Variants in ARHGAP32 observed in about 807,000 individuals in gnomAD.
The protein encoded by ARHGAP32 is Rho GTPase activating protein 32.
Under a neutral mutation model 186.5 loss-of-function variants are expected in ARHGAP32, and 51 were observed. That is an observed-to-expected ratio of 0.27 (90% confidence interval 0.22 to 0.35). The LOEUF is 0.35. Ranked by LOEUF, ARHGAP32 falls within the 10% of genes least tolerant of loss-of-function variation. The probability of loss-of-function intolerance (pLI) is 1.00; values close to 1 mark genes in which losing one functional copy is unlikely to be tolerated. For missense variants in ARHGAP32, 2,186 were observed against 2,623.5 expected, an observed-to-expected ratio of 0.83 and a Z score of 3.64; for synonymous variants, 950 against 964.3, an observed-to-expected ratio of 0.99 and a Z score of 0.27.
At chr11:128,989,868 T>C (rs1002411656) in intron 12 of ARHGAP32, among the ~76,000 whole-genome samples, 3 of 152,184 alleles carry the variant, frequency 2.0e-5, no homozygotes, top group African/African-American at 7.2e-5. Flanking sequence ...ACTTCATCCA[T>C]GTCCCTGCAA....
intron 1 of ARHGAP32, among the ~76,000 whole-genome samples, chr11:129,230,558 T>C (rs550578188): frequency 1.8e-5 from 2 of 111,712 alleles, no homozygotes; most frequent in Non-Finnish European, 3.6e-5. Context: ...TTGTTAAATA[T>C]GGAAAAAGCA....
At chr11:129,086,954 C>T (rs1941427465) in intron 6 of ARHGAP32, among the ~76,000 whole-genome samples, 1 of 151,948 alleles carries the variant, frequency 6.6e-6, no homozygotes, top group South Asian at 2.1e-4. Context: ...GACATCTCAC[C>T]AAAGAAGACA....
rs1945195206 is a variant in ARHGAP32 at position 128,965,208 on chromosome 11, C to CA, written c.*3698dup. On this transcript the variant is annotated 3_prime_UTR_variant, in exon 23 of 23. Coordinates refer to ENST00000682385, the MANE Select transcript of ARHGAP32 (RefSeq NM_001378024.1). ...CCACCCCACCCTGCAACCAAAGAAA[C>CA]AAACAAAACCCAAACCCACAACTCA... 1 of 110,084 alleles carries CA rather than the reference C, an allele frequency of 9.1e-6. No individual in the cohort carries two copies. Among genetic ancestry groups the CA allele is most frequent in the African/African-American group, 3.4e-5 (1 of 29,076 alleles). 6.8% of individuals were successfully genotyped at this position (110,084 alleles called of 1,614,324 possible).
intron 1 of ARHGAP32, among the ~76,000 whole-genome samples, chr11:129,207,245 T>G (rs1328241604): frequency 6.6e-6 from 1 of 152,162 alleles, no homozygotes; most frequent in Non-Finnish European, 1.5e-5. Flanking sequence ...ATCCTTTGGG[T>G]ATATACCCAA....
chr11:128,968,892 T>A lies in ARHGAP32; in HGVS notation c.*15A>T. On this transcript the variant is annotated 3_prime_UTR_variant, in exon 23 of 23. Transcript: ENST00000682385. ...TGTCCAGCAGAGGCTGCTTCAACTC[T>A]ATTGCTCGCAGGGCTCATTCTGCAT... The A allele has an allele frequency of 6.8e-7, 1 of 1,467,750 alleles. No individual in the cohort carries two copies. Among genetic ancestry groups the A allele is most frequent in the South Asian group, 1.5e-5 (1 of 64,852 alleles). 90.9% of individuals were successfully genotyped at this position (1,467,750 alleles called of 1,614,324 possible).
At chr11:128,984,938 A>G (rs554093270) in intron 15 of ARHGAP32, among the ~76,000 whole-genome samples, 3 of 152,208 alleles carry the variant, frequency 2.0e-5, no homozygotes, top group East Asian at 1.9e-4. Flanking sequence ...TTGTATACAG[A>G]TAGTCTCCAA....
At chr11:129,090,581 C>T (rs188984078) in intron 6 of ARHGAP32, among the ~76,000 whole-genome samples, 17 of 152,122 alleles carry the variant, frequency 1.1e-4, no homozygotes, top group Admixed American at 1.0e-3. Flanking sequence ...CTTATACCAA[C>T]AAAACTAGAT....
chr11:129,075,242 C>G (rs1255132804), intron 6 of ARHGAP32, among the ~76,000 whole-genome samples: 2 of 152,246 alleles, frequency 1.3e-5, no homozygotes, highest in Middle Eastern at 6.8e-3. Flanking sequence ...CAGGACCCAA[C>G]TGTCTAAAAG....
At chr11:129,081,355 A>T (rs936886516) in intron 6 of ARHGAP32, among the ~76,000 whole-genome samples, 1 of 152,152 alleles carries the variant, frequency 6.6e-6, no homozygotes, top group Non-Finnish European at 1.5e-5. Flanking sequence ...AGATGTAAAA[A>T]TCCTCAACAA....
rs917830994 is a variant in ARHGAP32, at chr11:128,968,183, T to C, written c.*724A>G. 1.3e-5 allele frequency: 2 copies of C among 152,114 alleles called. No homozygotes were observed. The highest frequency in any genetic ancestry group is 2.9e-5 in the Non-Finnish European group (2 of 68,020). 9.4% of individuals were successfully genotyped at this position (152,114 alleles called of 1,614,324 possible). Reference sequence around the variant, plus strand: ...TAACTTTTAAAAGTCCATTCTGTCATGATATGAGCCTGTTCACTGAACCGT... The same window carrying C: ...TAACTTTTAAAAGTCCATTCTGTCACGATATGAGCCTGTTCACTGAACCGT... On this transcript the variant is annotated 3_prime_UTR_variant, in exon 23 of 23. Coordinates refer to ENST00000682385, the MANE Select transcript of ARHGAP32 (RefSeq NM_001378024.1).
intron 5 of ARHGAP32, among the ~76,000 whole-genome samples, chr11:129,106,852 C>G (rs1942062185): frequency 1.3e-5 from 2 of 152,106 alleles, no homozygotes; most frequent in South Asian, 4.1e-4. Flanking sequence ...TGAGACCCAT[C>G]AAGTGGACCA....
chr11:129,047,618 G>GAA (rs1038875205), intron 10 of ARHGAP32, among the ~76,000 whole-genome samples: 42 of 143,574 alleles, frequency 2.9e-4, no homozygotes, highest in African/African-American at 8.7e-4. Flanking sequence ...TACTGCTGGA[G>GAA]AAAAAAAAAA....
At chr11:129,238,517 G>A (rs1030620723) in intron 1 of ARHGAP32, among the ~76,000 whole-genome samples, 11 of 152,104 alleles carry the variant, frequency 7.2e-5, no homozygotes, top group Admixed American at 3.3e-4. Context: ...GTCAGTAACA[G>A]GTGCTCTTAT....
intron 1 of ARHGAP32, among the ~76,000 whole-genome samples, chr11:129,268,891 G>A (rs917504749): frequency 6.6e-6 from 1 of 152,042 alleles, no homozygotes; most frequent in Non-Finnish European, 1.5e-5. Context: ...ATCAACAAAT[G>A]TTTATTAAGT....
intron 5 of ARHGAP32, among the ~76,000 whole-genome samples, chr11:129,098,469 A>C (rs1941796403): frequency 1.3e-5 from 2 of 149,796 alleles, no homozygotes; most frequent in Non-Finnish European, 3.0e-5. Flanking sequence ...CCCAGGCTGG[A>C]GTGCAGTGGC....
In ARHGAP32 at chr11:128,966,981, A is replaced by T. The variant is rs768860935; in HGVS notation, c.*1926T>A. ...TCAGGTTTCCTAGCACTTTGACTGT[A>T]AAACAGTTGGTTCTGCACTTTTAAT... On this transcript the variant is annotated 3_prime_UTR_variant, in exon 23 of 23. Transcript: ENST00000682385. 6.6e-6 allele frequency: 1 copy of T among 152,346 alleles called. No homozygotes were observed. The highest frequency in any genetic ancestry group is 3.4e-3 in the Middle Eastern group (1 of 294). 9.4% of individuals were successfully genotyped at this position (152,346 alleles called of 1,614,324 possible).
intron 1 of ARHGAP32, among the ~76,000 whole-genome samples, chr11:129,208,653 T>C (rs1944544664): frequency 6.7e-6 from 1 of 148,386 alleles, no homozygotes; most frequent in South Asian, 2.1e-4. Flanking sequence ...CCATCCATTC[T>C]GTCATTTTCT....
At chr11:129,256,245 T>G (rs557106597) in intron 1 of ARHGAP32, among the ~76,000 whole-genome samples, 1 of 152,090 alleles carries the variant, frequency 6.6e-6, no homozygotes, top group Non-Finnish European at 1.5e-5. Flanking sequence ...GTCATAGAGT[T>G]GAATATGTAT....
intron 1 of ARHGAP32, among the ~76,000 whole-genome samples, chr11:129,221,823 T>G (rs117037258): frequency 6.6e-6 from 1 of 152,144 alleles, no homozygotes; most frequent in Non-Finnish European, 1.5e-5. Flanking sequence ...AAAAAAAATT[T>G]TTTTAAATAG....
Sources: gnomAD v4.1 joint callset for allele counts (sites outside exome capture counted in the v4.1 genomes callset) on GRCh38, gnomAD v4.1.1 for gene constraint, MANE v1.5 for transcripts, NCBI Gene and HGNC (gene_info 2026-07-23, HGNC 2026-07-21) for gene names.